ZNF248: variants seen among roughly 807,000 people sequenced by gnomAD.
The protein encoded by ZNF248 is zinc finger protein 248.
In ZNF248, 20 loss-of-function variants were observed where a neutral mutation model predicts 44.3. The ratio of observed to expected loss-of-function variants is 0.45; its 90% CI spans 0.32 to 0.66. The LOEUF (loss-of-function observed/expected upper bound fraction) is 0.66. Among genes scored for constraint, ZNF248 ranks in the 30% least tolerant of loss-of-function variants. The pLI is 0.04. For synonymous variants in ZNF248, 224 were observed against 229.0 expected (o/e 0.98, Z 0.20); for missense variants, 654 against 677.0 (o/e 0.97, Z 0.38).
intron 6 of ZNF248, among the ~76,000 whole-genome samples, chr10:37,809,219 T>C (rs2051108679): frequency 6.6e-6 from 1 of 152,178 alleles, no homozygotes; most frequent in African/African-American, 2.4e-5. Context: ...TTCTTTGTTA[T>C]CTCTGCCCTA....
Position 37,830,191 on chromosome 10 carries a change from T to C in ZNF248, c.*1424A>G. ...TTTTTGAGGAGTGCAGTGTTACTGCTTGTTAACCTTTGCATAATTTATGTA... is the reference window on the plus strand; with the variant it reads ...TTTTTGAGGAGTGCAGTGTTACTGCCTGTTAACCTTTGCATAATTTATGTA... On this transcript the variant is annotated 3_prime_UTR_variant, in exon 6 of 6. Transcript: ENST00000395867. 1.0e-6 allele frequency: 1 copy of C among 985,420 alleles called. No individual in the cohort carries two copies. The highest frequency in any genetic ancestry group is 4.7e-5 in the South Asian group (1 of 21,286). 61.0% of individuals were successfully genotyped at this position (985,420 alleles called of 1,614,324 possible). A position where few individuals can be genotyped will look rare whatever the true frequency, so the allele number is the denominator to read the frequency against.
chr10:37,786,232 G>C (rs950418778), intron 6 of ZNF248, among the ~76,000 whole-genome samples: 3 of 152,196 alleles, frequency 2.0e-5, no homozygotes, highest in African/African-American at 7.2e-5. Context: ...CTTTTGGCAG[G>C]ATGATTTCAC....
At chr10:37,782,206 G>GCA (rs2047397178) in intron 6 of ZNF248, among the ~76,000 whole-genome samples, 1 of 152,112 alleles carries the variant, frequency 6.6e-6, no homozygotes, top group African/African-American at 2.4e-5. Context: ...GTACTATGTT[G>GCA]CACACCATTG....
intron 3 of ZNF248, among the ~76,000 whole-genome samples, chr10:37,843,652 T>A (rs1369042430): frequency 6.6e-6 from 1 of 152,046 alleles, no homozygotes; most frequent in Non-Finnish European, 1.5e-5. Context: ...AAATTAAGTG[T>A]CATCAAAAAT....
chr10:37,822,159 G>A (rs1589460279), intron 6 of ZNF248, among the ~76,000 whole-genome samples: 1 of 152,168 alleles, frequency 6.6e-6, no homozygotes, highest in African/African-American at 2.4e-5. Context: ...AGTTGGTGCT[G>A]CTCAAATTAA....
intron 3 of ZNF248, among the ~76,000 whole-genome samples, chr10:37,847,327 T>C (rs2134516391): frequency 6.6e-6 from 1 of 152,338 alleles, no homozygotes; most frequent in Non-Finnish European, 1.5e-5. Context: ...GTGGCTATAG[T>C]TCCTCACCAC....
chr10:37,805,714 T>C (rs1178864196), intron 6 of ZNF248, among the ~76,000 whole-genome samples: 1 of 152,192 alleles, frequency 6.6e-6, no homozygotes, highest in Non-Finnish European at 1.5e-5. Context: ...AGCCATTCTC[T>C]GGGATAGGGA....
At chr10:37,853,584 T>C (rs992027382) in intron 3 of ZNF248, among the ~76,000 whole-genome samples, 5 of 151,882 alleles carry the variant, frequency 3.3e-5, no homozygotes, top group African/African-American at 9.7e-5. Context: ...TTCTCCATGT[T>C]GGTCAGGCTG....
At chr10:37,799,883 C>T (rs1339097792) in intron 6 of ZNF248, among the ~76,000 whole-genome samples, 3 of 151,878 alleles carry the variant, frequency 2.0e-5, no homozygotes, top group Non-Finnish European at 4.4e-5. Context: ...CAGATTGATT[C>T]AAGACTTAAA....
chr10:37,830,264 T>C lies in ZNF248; in HGVS notation c.*1351A>G, dbSNP rs968585598. The C allele has an allele frequency of 1.6e-5, 16 of 985,266 alleles. No individual in the cohort carries two copies. The African/African-American group carries it at 2.4e-4, about 15-fold the overall frequency. The allele number at this position is 985,266 out of a possible 1,614,324, so 61.0% of individuals were successfully genotyped here. On this transcript the variant is annotated 3_prime_UTR_variant, in exon 6 of 6. Coordinates refer to ENST00000395867, the MANE Select transcript of ZNF248 (RefSeq NM_021045.3). ...TTTACATTACAGAATGACCCAGAGG[T>C]AGCTGAAAAACCTCAGAAAAGTACT...
downstream of ZNF248, among the ~76,000 whole-genome samples, chr10:37,825,646 G>A (rs1356010626): frequency 6.6e-6 from 1 of 152,050 alleles, no homozygotes; most frequent in Admixed American, 6.6e-5. Context: ...TCACCATATT[G>A]CCCAGGCTGG....
chr10:37,851,702 A>T (rs946880940), intron 3 of ZNF248, among the ~76,000 whole-genome samples: 2 of 150,996 alleles, frequency 1.3e-5, no homozygotes, highest in African/African-American at 4.9e-5. Flanking sequence ...GGCAGAAAAT[A>T]CACATGAAAA....
At chr10:37,848,703 A>AT (rs2059727470) in intron 3 of ZNF248, among the ~76,000 whole-genome samples, 1 of 152,184 alleles carries the variant, frequency 6.6e-6, no homozygotes, top group Admixed American at 6.5e-5. Context: ...CATGAAGTCC[A>AT]TTTCAAGCAC....
At chr10:37,765,077 C>T in the ZNF248 span, among the ~76,000 whole-genome samples, 33 of 152,142 alleles carry the variant, frequency 2.2e-4, no homozygotes, top group African/African-American at 5.8e-4. Flanking sequence ...TCTCCTGCCT[C>T]GGCCTCCTGA....
chr10:37,765,834 G>A, the ZNF248 span, among the ~76,000 whole-genome samples: 1 of 152,190 alleles, frequency 6.6e-6, no homozygotes, highest in Non-Finnish European at 1.5e-5. Flanking sequence ...GAAGTGCAAG[G>A]GATCAGGGAG....
downstream of ZNF248, among the ~76,000 whole-genome samples, chr10:37,825,450 TG>T (rs2054232650): frequency 6.6e-6 from 1 of 152,186 alleles, no homozygotes; most frequent in African/African-American, 2.4e-5. Flanking sequence ...TTTTTTCTTT[TG>T]TTTTTGAGAC....
At chr10:37,777,044 T>C (rs547601270) in intron 6 of ZNF248, among the ~76,000 whole-genome samples, 1 of 152,120 alleles carries the variant, frequency 6.6e-6, no homozygotes, top group Non-Finnish European at 1.5e-5. Flanking sequence ...ATGCCAAAAA[T>C]GTGAAACTCA....
At chr10:37,807,140 C>A (rs186767155) in intron 6 of ZNF248, among the ~76,000 whole-genome samples, 310 of 152,198 alleles carry the variant, frequency 2.0e-3, no homozygotes, top group Non-Finnish European at 3.0e-3. Flanking sequence ...TGTGCCGCCA[C>A]ACCCTCCAGC....
intron 4 of ZNF248, 120 bp from the exon 5 acceptor site, chr10:37,837,832 C>A: frequency 7.4e-7 from 1 of 1,354,200 alleles, no homozygotes; most frequent in South Asian, 1.4e-5. Context: ...CACAAATGAA[C>A]CAATCTCTGA....
Sources: gnomAD v4.1 joint callset for allele counts (sites outside exome capture counted in the v4.1 genomes callset) on GRCh38, gnomAD v4.1.1 for gene constraint, MANE v1.5 for transcripts, NCBI Gene and HGNC (gene_info 2026-07-23, HGNC 2026-07-21) for gene names.